MLLT3: variants seen among roughly 807,000 people sequenced by gnomAD.
The protein encoded by MLLT3 is protein AF-9.
A neutral mutation model predicts 53.2 loss-of-function variants in MLLT3; 4 were observed. That is an observed-to-expected ratio of 0.08 (90% CI 0.04 to 0.17). The LOEUF (loss-of-function observed/expected upper bound fraction) is 0.17, where lower values mean the gene tolerates loss of function less well. MLLT3 is among the 10% of genes least tolerant of loss of function. The pLI is 1.00. For missense variants in MLLT3, 569 were observed against 684.0 expected (o/e 0.83, Z 1.87); for synonymous variants, 283 against 230.6 (o/e 1.23, Z -2.06).
At chr9:20,437,082 G>A (rs1385275281) in intron 4 of MLLT3, among the ~76,000 whole-genome samples, 2 of 152,026 alleles carry the variant, frequency 1.3e-5, no homozygotes, top group Non-Finnish European at 2.9e-5. Flanking sequence ...TGTGCTATGA[G>A]TCTGCCTTTC....
chr9:20,615,360 GAAAAAAA>G (rs10601830), intron 2 of MLLT3, among the ~76,000 whole-genome samples: 2 of 48,774 alleles, frequency 4.1e-5, no homozygotes, highest in Admixed American at 3.5e-4. Context: ...CAGACCATGT[GAAAAAAA>G]AAAAAAAAAA....
intron 2 of MLLT3, among the ~76,000 whole-genome samples, chr9:20,461,998 T>C (rs1824120857): frequency 6.6e-6 from 1 of 152,090 alleles, no homozygotes; most frequent in African/African-American, 2.4e-5. Flanking sequence ...TTCTACCACA[T>C]CAGAGCCTCC....
At chr9:20,504,006 C>T (rs146594014) in intron 2 of MLLT3, among the ~76,000 whole-genome samples, 1 of 152,118 alleles carries the variant, frequency 6.6e-6, no homozygotes, top group African/African-American at 2.4e-5. Context: ...AATGAGATAT[C>T]ACTTCACACG....
chr9:20,409,562 T>G (rs140941042), intron 5 of MLLT3, among the ~76,000 whole-genome samples: 1 of 152,350 alleles, frequency 6.6e-6, no homozygotes, highest in Non-Finnish European at 1.5e-5. Flanking sequence ...GAATATCATG[T>G]ACCCCAAAGA....
In MLLT3 at chr9:20,448,077, TG is replaced by T. The variant is rs1586956327; in HGVS notation, c.420+45del. On this transcript the variant is annotated intron_variant, in intron 4 of 10. Coordinates refer to ENST00000380338, the MANE Select transcript of MLLT3 (RefSeq NM_004529.4). This position sits in a 1 kb window ranked among gnomAD's most constrained non-coding sequence, Gnocchi z 4.0. ...GTTTGTTTGTTTTTTTTTTTGTTGT[TG>T]TTGTTTTTTAATAGGAATGCTTTTC... 6.4e-7 allele frequency: 1 copy of T among 1,570,760 alleles called. No individual in the cohort carries two copies. The highest frequency in any genetic ancestry group is 8.6e-7 in the Non-Finnish European group (1 of 1,161,560).
intron 5 of MLLT3, among the ~76,000 whole-genome samples, chr9:20,369,360 C>T (rs534571186): frequency 6.6e-6 from 1 of 152,172 alleles, no homozygotes; most frequent in Non-Finnish European, 1.5e-5. Context: ...TCCTTAAACA[C>T]ACACACAAAA....
At chr9:20,581,972 C>A (rs181275055) in intron 2 of MLLT3, among the ~76,000 whole-genome samples, 1 of 152,022 alleles carries the variant, frequency 6.6e-6, no homozygotes, top group Non-Finnish European at 1.5e-5. Flanking sequence ...TCAATCCAGC[C>A]GCAATGAAAA....
intron 2 of MLLT3, among the ~76,000 whole-genome samples, chr9:20,615,360 GAAAAA>G (rs10601830): frequency 6.2e-5 from 3 of 48,756 alleles, no homozygotes; most frequent in Admixed American, 3.5e-4. Context: ...CAGACCATGT[GAAAAA>G]AAAAAAAAAA....
intron 10 of MLLT3, among the ~76,000 whole-genome samples, chr9:20,349,144 T>C (rs963628721): frequency 3.9e-5 from 6 of 152,048 alleles, no homozygotes; most frequent in Non-Finnish European, 8.8e-5. Flanking sequence ...CAGAATAGAG[T>C]TCTGGATCTG....
chr9:20,501,619 C>T (rs1325689261), intron 2 of MLLT3, among the ~76,000 whole-genome samples: 4 of 151,988 alleles, frequency 2.6e-5, no homozygotes, highest in Admixed American at 6.6e-5. Flanking sequence ...GGCGCGGTGG[C>T]GGGCGCCTGC....
At chr9:20,549,841 G>A (rs1172011867) in intron 2 of MLLT3, among the ~76,000 whole-genome samples, 1 of 152,184 alleles carries the variant, frequency 6.6e-6, no homozygotes, top group Non-Finnish European at 1.5e-5. Context: ...TCCATTCACT[G>A]TGACCACCAT....
intron 5 of MLLT3, among the ~76,000 whole-genome samples, chr9:20,372,516 T>C (rs950093083): frequency 2.6e-5 from 4 of 151,010 alleles, no homozygotes; most frequent in African/African-American, 9.7e-5. Flanking sequence ...GCCTCCTGAG[T>C]AGCTGGGACT....
intron 2 of MLLT3, among the ~76,000 whole-genome samples, chr9:20,555,423 A>T (rs1819032681): frequency 6.6e-6 from 1 of 152,146 alleles, no homozygotes; most frequent in Non-Finnish European, 1.5e-5. Context: ...CTAGGATTAC[A>T]GGCGTGAGCC....
chr9:20,463,089 C>T (rs577485289), intron 2 of MLLT3, among the ~76,000 whole-genome samples: 1 of 152,176 alleles, frequency 6.6e-6, no homozygotes, highest in African/African-American at 2.4e-5. Flanking sequence ...AAATGGATTG[C>T]ACTCGTAAAG....
Position 20,414,215 on chromosome 9 carries a change from A to G in MLLT3, c.631T>C (p.Ser211Pro), listed in dbSNP as rs780754753. Residue 211 changes from serine to proline, a missense_variant, in exon 5 of 11, where the codon TCC becomes CCC. Physicochemically the swap from Ser to Pro is moderately conservative, Grantham distance 74. This residue lies in a region of MLLT3 where 437 missense variants were observed against 376.5 expected (regional missense o/e 1.16). Transcript: ENST00000380338. ...TTGAAGGCACTTTTATGTTCTCTGG[A>G]GTCTTTAGAAGGTTTTTCCTTGTGC... ...KEHKEKPSKD[S>P]REHKSAFKEP... 44 of 1,614,010 alleles carry G rather than the reference A, an allele frequency of 2.7e-5. No individual in the cohort carries two copies. Among genetic ancestry groups the G allele is most frequent in the Non-Finnish European group, 3.7e-5 (44 of 1,179,994 alleles).
chr9:20,543,436 AG>A (rs1460447430), intron 2 of MLLT3, among the ~76,000 whole-genome samples: 3 of 152,232 alleles, frequency 2.0e-5, no homozygotes, highest in African/African-American at 7.2e-5. Flanking sequence ...CAGTTACAAT[AG>A]TATCTTCAAA....
intron 6 of MLLT3, 67 bp from the exon 7 acceptor site, chr9:20,363,672 C>A: frequency 6.6e-7 from 1 of 1,507,608 alleles, no homozygotes; most frequent in Non-Finnish European, 9.0e-7. Context: ...ATATTAGAAA[C>A]AGGGGGATGC....
chr9:20,384,677 G>C (rs1821988760), intron 5 of MLLT3, among the ~76,000 whole-genome samples: 2 of 152,042 alleles, frequency 1.3e-5, no homozygotes, highest in Non-Finnish European at 1.5e-5. Context: ...CCATGTGATG[G>C]AGTTCTGATA....
chr9:20,505,802 A>G (rs1825366609), intron 2 of MLLT3, among the ~76,000 whole-genome samples: 1 of 152,200 alleles, frequency 6.6e-6, no homozygotes, highest in South Asian at 2.1e-4. Context: ...GTTACAGGTA[A>G]GCAGTAGGCC....
Sources: gnomAD v4.1 joint callset for allele counts (sites outside exome capture counted in the v4.1 genomes callset) on GRCh38, gnomAD v4.1.1 for gene constraint, gnomAD v4.1.1 regional missense constraint, Gnocchi (gnomAD v3.1) non-coding constraint, MANE v1.5 for transcripts, NCBI Gene and HGNC (gene_info 2026-07-23, HGNC 2026-07-21) for gene names.